HDAC2: variants seen among roughly 807,000 people sequenced by gnomAD.
HDAC2 encodes YY1-associated factor 1.
In HDAC2, 5 loss-of-function variants were observed where a neutral mutation model predicts 68.5. The ratio of observed to expected loss-of-function variants is 0.07; its 90% CI spans 0.04 to 0.15. The LOEUF (loss-of-function observed/expected upper bound fraction) is 0.15. HDAC2 is among the 10% of genes least tolerant of loss of function. HDAC2 has a pLI of 1.00. For missense variants in HDAC2, 291 were observed against 600.8 expected (o/e 0.48, Z 5.39); for synonymous variants, 182 against 191.3 (o/e 0.95, Z 0.40).
chr6:113,945,273 T>G, intron 10 of HDAC2, 89 bp downstream of exon 10: 1 of 565,644 alleles, frequency 1.8e-6, no homozygotes. Context: ...CTAATAAAGT[T>G]AAAAAGACCC....
intron 10 of HDAC2, 107 bp from the exon 11 acceptor site, chr6:113,944,517 C>T: frequency 1.1e-6 from 1 of 897,392 alleles, no homozygotes; most frequent in Non-Finnish European, 1.7e-6. Context: ...CTAGCTAAAC[C>T]TATATATTAA....
rs1407111008 is a variant in HDAC2 at position 113,939,607 on chromosome 6, A to G, written c.*1451T>C. ...TACAGATTGATAACAAATATGTAGC[A>G]AAAGTACAAAAACATGGGTAAAATA... On this transcript the variant is annotated 3_prime_UTR_variant, in exon 14 of 14. Coordinates refer to ENST00000519065, the MANE Select transcript of HDAC2 (RefSeq NM_001527.4). 1 of 152,182 alleles carries G rather than the reference A, an allele frequency of 6.6e-6. No individual in the cohort carries two copies. The highest frequency in any genetic ancestry group is 2.4e-5 in the African/African-American group (1 of 41,448). 9.4% of individuals were successfully genotyped at this position (152,182 alleles called of 1,614,324 possible). A position where few individuals can be genotyped will look rare whatever the true frequency, so the allele number is the denominator to read the frequency against.
rs1273866713 is a variant in HDAC2, at chr6:113,938,596, C to A, written c.*2462G>T. 6.6e-6 allele frequency: 1 copy of A among 152,128 alleles called. No homozygotes were observed. Among genetic ancestry groups the A allele is most frequent in the African/African-American group, 2.4e-5 (1 of 41,424 alleles). The allele number at this position is 152,128 out of a possible 1,614,324, so 9.4% of individuals were successfully genotyped here. ...TTTCCATTTGGTTACCAGTTGTTGT[C>A]CCAATTCCACTTACAAAATAATGTC... On this transcript the variant is annotated 3_prime_UTR_variant, in exon 14 of 14. Coordinates refer to ENST00000519065, the MANE Select transcript of HDAC2 (RefSeq NM_001527.4).
intron 1 of HDAC2, among the ~76,000 whole-genome samples, chr6:113,967,842 G>C (rs1055282013): frequency 7.9e-5 from 12 of 152,186 alleles, no homozygotes; most frequent in South Asian, 2.1e-4. Context: ...ATCTTCTAGT[G>C]TATAAAGAAG....
At chr6:113,953,798 T>C (rs1204663240) in intron 5 of HDAC2, among the ~76,000 whole-genome samples, 1 of 152,258 alleles carries the variant, frequency 6.6e-6, no homozygotes, top group Non-Finnish European at 1.5e-5. Flanking sequence ...CTATGGCCCA[T>C]GGCCCAAATT....
In HDAC2 at chr6:113,934,874, G is replaced by A. The variant is rs1487464121; in HGVS notation, c.*6184C>T. On this transcript the variant is annotated 3_prime_UTR_variant, in exon 14 of 14. Coordinates refer to ENST00000519065, the MANE Select transcript of HDAC2 (RefSeq NM_001527.4). ...AATGCTTATTTGATTGTTGGGGAAG[G>A]TGACAGCTAGTAATACGTTGGACTT... 1.3e-5 allele frequency: 2 copies of A among 152,180 alleles called. No homozygotes were observed. Among genetic ancestry groups the A allele is most frequent in the Non-Finnish European group, 1.5e-5 (1 of 68,034 alleles). 9.4% of individuals were successfully genotyped at this position (152,180 alleles called of 1,614,324 possible). A position where few individuals can be genotyped will look rare whatever the true frequency, so the allele number is the denominator to read the frequency against.
rs567547667 is a variant in HDAC2 at position 113,970,301 on chromosome 6, G to C, written c.52+556C>G. On this transcript the variant is annotated intron_variant, in intron 1 of 13. Transcript: ENST00000519065. The stretch of plus-strand genomic sequence containing the variant: ...AGGGTAAGCCGAGGAAGGAGAAGAC[G>C]CTCCGGCCAGACCGAACGCAGGGTA... 7 of 257,760 alleles carry C rather than the reference G, an allele frequency of 2.7e-5. No individual in the cohort carries two copies. The East Asian group carries it at 1.1e-3, about 40-fold the overall frequency. 16.0% of individuals were successfully genotyped at this position (257,760 alleles called of 1,614,324 possible).
chr6:113,957,244 A>G (rs942781210), intron 3 of HDAC2: 5 of 153,230 alleles, frequency 3.3e-5, no homozygotes, highest in Non-Finnish European at 5.8e-5. Flanking sequence ...ATAGGATACT[A>G]AAGACAACAA....
At chr6:113,965,882 T>G (rs1776802694) in intron 1 of HDAC2, among the ~76,000 whole-genome samples, 1 of 152,234 alleles carries the variant, frequency 6.6e-6, no homozygotes, top group Admixed American at 6.5e-5. Flanking sequence ...AGACTTGATT[T>G]GAATTCTTCC....
chr6:113,957,193 G>A (rs1025867598), intron 3 of HDAC2: 1 of 153,962 alleles, frequency 6.5e-6, no homozygotes, highest in Admixed American at 6.4e-5. Context: ...TCTTGATCTT[G>A]AAAGTTGCTA....
chr6:113,962,427 T>A, intron 1 of HDAC2: 1 of 672,126 alleles, frequency 1.5e-6, no homozygotes, highest in Non-Finnish European at 1.8e-6. Context: ...AATATAAATA[T>A]TTTAAATAAA....
rs1775947684 is a variant in HDAC2, at chr6:113,934,084, T to C, written c.*6974A>G. On this transcript the variant is annotated 3_prime_UTR_variant, in exon 14 of 14. Coordinates refer to ENST00000519065, the MANE Select transcript of HDAC2 (RefSeq NM_001527.4). ...TATGAGAAAAAAGTTGACTTTAGAA[T>C]GTCTAATAAGCCTATCCTATTCAAC... 2 of 152,158 alleles carry C rather than the reference T, an allele frequency of 1.3e-5. No homozygotes were observed. The highest frequency in any genetic ancestry group is 1.5e-5 in the Non-Finnish European group (1 of 68,028). The allele number at this position is 152,158 out of a possible 1,614,324, so 9.4% of individuals were successfully genotyped here. A position where few individuals can be genotyped will look rare whatever the true frequency, so the allele number is the denominator to read the frequency against.
Position 113,933,749 on chromosome 6 carries a change from TTGTGTG to T in HDAC2, c.*7303_*7308del, listed in dbSNP as rs148161574. Reference sequence around the variant, plus strand: ...GTGGCTGCTCCTTGTCTGACATTCTTTGTGTGTGTGTATGTATATTATATAATATAC... The same window carrying T: ...GTGGCTGCTCCTTGTCTGACATTCTTTGTGTATGTATATTATATAATATAC... On this transcript the variant is annotated 3_prime_UTR_variant, in exon 14 of 14. Coordinates refer to ENST00000519065, the MANE Select transcript of HDAC2 (RefSeq NM_001527.4). 11 of 151,638 alleles carry T rather than the reference TTGTGTG, an allele frequency of 7.3e-5. No individual in the cohort carries two copies. Among genetic ancestry groups the T allele is most frequent in the Non-Finnish European group, 1.5e-4 (10 of 67,926 alleles). The allele number at this position is 151,638 out of a possible 1,614,324, so 9.4% of individuals were successfully genotyped here.
At chr6:113,957,392 C>G (rs1776580283) in intron 3 of HDAC2, 1 of 152,062 alleles carries the variant, frequency 6.6e-6, no homozygotes, top group South Asian at 2.1e-4. Context: ...AATAAGGGTC[C>G]TTGTTTTGTA....
rs778842811 is a variant in HDAC2, at chr6:113,971,012, T to C, written c.-104A>G. The stretch of plus-strand genomic sequence containing the variant: ...GGAGAGAAAAGGGCTGAGGGAAACG[T>C]GGGGGCGATAGTCCCGCGGGGAAGG... On this transcript the variant is annotated 5_prime_UTR_variant, in exon 1 of 14. Transcript: ENST00000519065. 18 of 1,575,584 alleles carry C rather than the reference T, an allele frequency of 1.1e-5. No individual in the cohort carries two copies. The East Asian group carries it at 1.4e-4, about 12-fold the overall frequency.
chr6:113,956,142 A>C lies in HDAC2; in HGVS notation c.368T>G (p.Val123Gly). 6.3e-7 allele frequency: 1 copy of C among 1,599,858 alleles called. No individual in the cohort carries two copies. The highest frequency in any genetic ancestry group is 8.5e-7 in the Non-Finnish European group (1 of 1,175,978). ...LSTGGSVAGA[V>G]KLNRQQTDMA... ...ATCAGTCTGTTGTCGGTTTAACTTC[A>C]CAGCTCCAGCTAAGAAGTAGAAACA... Residue 123 changes from valine (V) to glycine (G), a missense_variant, in exon 5 of 14, where the codon GTG becomes GGG. Val to Gly is a moderately radical substitution (Grantham distance 109). Coordinates refer to ENST00000519065, the MANE Select transcript of HDAC2 (RefSeq NM_001527.4).
chr6:113,963,230 C>T (rs1582496739), intron 1 of HDAC2, among the ~76,000 whole-genome samples: 1 of 151,626 alleles, frequency 6.6e-6, no homozygotes, highest in Admixed American at 6.6e-5. Flanking sequence ...ATTACAAGCG[C>T]CCACCACCAT....
chr6:113,954,694 A>C (rs1776505527), intron 5 of HDAC2, among the ~76,000 whole-genome samples: 1 of 152,244 alleles, frequency 6.6e-6, no homozygotes, highest in Admixed American at 6.5e-5. Flanking sequence ...GATACTGCTC[A>C]ATCACTGTTT....
rs779654909 is a variant in HDAC2, at chr6:113,934,591, C to T, written c.*6467G>A. 4 of 152,100 alleles carry T rather than the reference C, an allele frequency of 2.6e-5. No individual in the cohort carries two copies. The highest frequency in any genetic ancestry group is 1.9e-4 in the East Asian group (1 of 5,196). The allele number at this position is 152,100 out of a possible 1,614,324, so 9.4% of individuals were successfully genotyped here. A position where few individuals can be genotyped will look rare whatever the true frequency, so the allele number is the denominator to read the frequency against. Reference sequence around the variant, plus strand: ...TTTTTCTGGGAAATCAGATTTATTGCCCACCATAGTCACAAACAGACTGGA... The same window carrying T: ...TTTTTCTGGGAAATCAGATTTATTGTCCACCATAGTCACAAACAGACTGGA... On this transcript the variant is annotated 3_prime_UTR_variant, in exon 14 of 14. Coordinates refer to ENST00000519065, the MANE Select transcript of HDAC2 (RefSeq NM_001527.4).
Sources: gnomAD v4.1 joint callset for allele counts (sites outside exome capture counted in the v4.1 genomes callset) on GRCh38, gnomAD v4.1.1 for gene constraint, MANE v1.5 for transcripts, NCBI Gene and HGNC (gene_info 2026-07-23, HGNC 2026-07-21) for gene names.